Variants in INPP4B observed in about 807,000 individuals in gnomAD.
INPP4B encodes the protein inositol polyphosphate 4-phosphatase type II.
INPP4B carries 55 observed loss-of-function variants against 122.5 expected under a neutral mutation model. That is an observed-to-expected ratio of 0.45 (90% CI 0.36 to 0.56). The LOEUF (loss-of-function observed/expected upper bound fraction) is 0.56, where lower values mean the gene tolerates loss of function less well. INPP4B is among the 20% of genes least tolerant of loss of function. The pLI, the probability that INPP4B is intolerant of heterozygous loss-of-function variation, is 0.00. For synonymous variants in INPP4B, 403 were observed against 388.7 expected (o/e 1.04, Z -0.43); for missense variants, 1,000 against 1,097.7 (o/e 0.91, Z 1.26).
rs72946865 is a variant in INPP4B, at chr4:142,497,174, C to G, written c.-190-34448G>C. 4.6e-5 allele frequency among the ~76,000 whole-genome samples: 7 copies of G among 152,106 alleles called. No homozygotes were observed. The East Asian group carries it at 7.7e-4, about 17-fold the overall frequency. ...CTCTAGCATGCCCACATAAAATAGG[C>G]CTTTTTACCTGACACTTTATTAGCC... On this transcript the variant is annotated intron_variant, in intron 2 of 25. Transcript: ENST00000262992.
At chr4:142,686,082 G>C (rs1759310213) in intron 2 of INPP4B, among the ~76,000 whole-genome samples, 1 of 152,018 alleles carries the variant, frequency 6.6e-6, no homozygotes, top group South Asian at 2.1e-4. Flanking sequence ...GTTGGAACTG[G>C]GACTGCAAAG....
Position 142,273,950 on chromosome 4 carries a change from G to A in INPP4B, c.504-3176C>T, listed in dbSNP as rs1260576219. Among the ~76,000 whole-genome samples the A allele has an allele frequency of 2.0e-5, 3 of 151,864 alleles. No individual in the cohort carries two copies. In the East Asian group the frequency reaches 5.8e-4, roughly 29 times the overall value. ...GTAGAAGCCACTCTCTATTTATTCT[G>A]TTAAAATTTACCATACAAAGAATAC... On this transcript the variant is annotated intron_variant, in intron 9 of 25. Coordinates refer to ENST00000262992, the MANE Select transcript of INPP4B (RefSeq NM_001101669.3).
At position 142,026,023 on chromosome 4, in the gene INPP4B, T is replaced by A. The variant is rs777678611; in HGVS notation, c.*2759A>T. 2 of 151,982 alleles carry A rather than the reference T, an allele frequency of 1.3e-5. No homozygotes were observed. Among genetic ancestry groups the A allele is most frequent in the Non-Finnish European group, 2.9e-5 (2 of 67,980 alleles). The allele number at this position is 151,982 out of a possible 1,614,324, so 9.4% of individuals were successfully genotyped here. A position where few individuals can be genotyped will look rare whatever the true frequency, so the allele number is the denominator to read the frequency against. ...GTAAATAGCTAATCCAGAATTGATA[T>A]CTGCATTTAATATCAAAGGGGAACA... On this transcript the variant is annotated 3_prime_UTR_variant, in exon 26 of 26. Transcript: ENST00000262992.
At chr4:142,386,861 A>C (rs1796131200) in intron 7 of INPP4B, among the ~76,000 whole-genome samples, 1 of 152,162 alleles carries the variant, frequency 6.6e-6, no homozygotes, top group Admixed American at 6.5e-5. Flanking sequence ...GGTCCGAAGT[A>C]GACCTTCTAA....
chr4:142,545,542 A>G (rs1396708023), intron 2 of INPP4B, among the ~76,000 whole-genome samples: 1 of 151,984 alleles, frequency 6.6e-6, no homozygotes, highest in Admixed American at 6.6e-5. Flanking sequence ...TTAAATTTTT[A>G]CCAAAAAGGT....
At chr4:142,611,637 C>CTTTTTTTTTTT (rs34482115) in intron 2 of INPP4B, among the ~76,000 whole-genome samples, 4 of 65,232 alleles carry the variant, frequency 6.1e-5, no homozygotes, top group Admixed American at 2.4e-4. Context: ...TTTCTTTTTT[C>CTTTTTTTTTTT]TTTTTTTTTT....
intron 1 of INPP4B, among the ~76,000 whole-genome samples, chr4:142,772,093 T>C (rs1773160170): frequency 6.6e-6 from 1 of 152,186 alleles, no homozygotes; most frequent in Non-Finnish European, 1.5e-5. Flanking sequence ...GATACTTGGA[T>C]ATGTGAGTAC....
At chr4:142,131,311 TA>T (rs1801145034) in intron 18 of INPP4B, among the ~76,000 whole-genome samples, 1 of 152,134 alleles carries the variant, frequency 6.6e-6, no homozygotes, top group South Asian at 2.1e-4. Context: ...AGAAGACAGG[TA>T]GTGGATACTG....
chr4:142,438,375 T>C (rs1055486680), intron 3 of INPP4B, among the ~76,000 whole-genome samples: 3 of 152,088 alleles, frequency 2.0e-5, no homozygotes, highest in African/African-American at 4.8e-5. Flanking sequence ...TGGAATATAA[T>C]AGAGACCTCA....
At chr4:142,761,867 T>G (rs1027383611) in intron 1 of INPP4B, among the ~76,000 whole-genome samples, 2 of 152,104 alleles carry the variant, frequency 1.3e-5, no homozygotes, top group African/African-American at 4.8e-5. Flanking sequence ...AGGTGGAGCA[T>G]AAACCATTCC....
intron 12 of INPP4B, among the ~76,000 whole-genome samples, chr4:142,226,893 G>A (rs1250677535): frequency 6.6e-6 from 1 of 152,186 alleles, no homozygotes; most frequent in Non-Finnish European, 1.5e-5. Flanking sequence ...GGTAGGCAGA[G>A]GGTAGTATTA....
chr4:142,099,148 A>G (rs1264824682), intron 23 of INPP4B, among the ~76,000 whole-genome samples: 3 of 152,160 alleles, frequency 2.0e-5, no homozygotes, highest in Non-Finnish European at 4.4e-5. Context: ...AGTTACATGG[A>G]TAAAAGACTT....
chr4:142,144,253 A>G (rs1262862281), intron 18 of INPP4B, among the ~76,000 whole-genome samples: 1 of 151,454 alleles, frequency 6.6e-6, no homozygotes, highest in Non-Finnish European at 1.5e-5. Flanking sequence ...ACACACACAC[A>G]CACACACACA....
chr4:142,585,407 T>C (rs1370445826), intron 2 of INPP4B, among the ~76,000 whole-genome samples: 1 of 152,142 alleles, frequency 6.6e-6, no homozygotes, highest in East Asian at 1.9e-4. Flanking sequence ...CTACCACACA[T>C]TCCTAGCACA....
chr4:142,087,983 T>C (rs1777632571), intron 23 of INPP4B, among the ~76,000 whole-genome samples: 1 of 152,170 alleles, frequency 6.6e-6, no homozygotes, highest in Non-Finnish European at 1.5e-5. Flanking sequence ...TCATATAAAA[T>C]ATATGCATGA....
intron 2 of INPP4B, among the ~76,000 whole-genome samples, chr4:142,712,461 C>T (rs1455539777): frequency 2.0e-5 from 3 of 152,210 alleles, no homozygotes; most frequent in East Asian, 3.9e-4. Context: ...AGGCATGCTG[C>T]CATTGGGTCC....
intron 1 of INPP4B, among the ~76,000 whole-genome samples, chr4:142,792,648 C>G (rs1337334352): frequency 6.6e-6 from 1 of 151,956 alleles, no homozygotes; most frequent in East Asian, 1.9e-4. Context: ...GCCATATTCT[C>G]ATTAATTTTA....
At chr4:142,821,891 T>C (rs141296777) in intron 1 of INPP4B, among the ~76,000 whole-genome samples, 7 of 152,278 alleles carry the variant, frequency 4.6e-5, no homozygotes, top group South Asian at 2.1e-4. Flanking sequence ...GGAAGTCTTA[T>C]TATCTAATGA....
intron 15 of INPP4B, among the ~76,000 whole-genome samples, chr4:142,176,935 T>C (rs563918822): frequency 3.4e-4 from 52 of 152,324 alleles, no homozygotes; most frequent in Non-Finnish European, 6.8e-4. Flanking sequence ...ACCCATCTTA[T>C]TCACAAAAGT....
Sources: gnomAD v4.1 joint callset for allele counts (sites outside exome capture counted in the v4.1 genomes callset) on GRCh38, gnomAD v4.1.1 for gene constraint, MANE v1.5 for transcripts, NCBI Gene and HGNC (gene_info 2026-07-23, HGNC 2026-07-21) for gene names.